The following TRNP1 variants were observed in gnomAD, a reference collection of about 807,000 sequenced individuals.
The protein encoded by TRNP1 is TMF1 regulated nuclear protein 1, also known as TMF-regulated nuclear protein 1.
TRNP1 carries 16 observed loss-of-function variants against 12.2 expected under a neutral mutation model. That is an observed-to-expected ratio of 1.31 (90% CI 0.89 to 1.99). The LOEUF is 1.99. TRNP1 is among the 30% of genes most tolerant of loss of function. The pLI is 0.00. For synonymous variants in TRNP1, 139 were observed against 166.2 expected, an observed-to-expected ratio of 0.84 and a Z score of 1.26; for missense variants, 338 against 330.4, an observed-to-expected ratio of 1.02 and a Z score of -0.18.
intron 1 of TRNP1, among the ~76,000 whole-genome samples, chr1:26,999,034 C>G (rs2082559848): frequency 6.6e-6 from 1 of 152,094 alleles, no homozygotes; most frequent in African/African-American, 2.4e-5. Context: ...GGTGCCCCTC[C>G]CAGAGTTTGG....
chr1:26,995,131 A>G (rs143909312), intron 1 of TRNP1, among the ~76,000 whole-genome samples: 2 of 152,284 alleles, frequency 1.3e-5, no homozygotes, highest in East Asian at 3.9e-4. Context: ...TTCTCTTCAT[A>G]CTTAGGCCCT....
rs1557698347 is a variant in TRNP1 at position 26,994,303 on chromosome 1, CCGCGCCGCG to C, written c.518_526del (p.Pro173_Gly176delinsArg). ...TCACGGGTCGCGCCTCAAGAAGGGC[CCGCGCCGCG>C]GCCGCCGCGGCCGACCCCCCGCGCT... On this transcript the variant is annotated inframe_deletion, in exon 1 of 2. Transcript: ENST00000522111. This position sits in a 1 kb window ranked among gnomAD's most constrained non-coding sequence, Gnocchi z 6.9. The C allele has an allele frequency of 8.7e-7, 1 of 1,146,622 alleles. No homozygotes were observed. The highest frequency in any genetic ancestry group is 1.6e-5 in the African/African-American group (1 of 60,938). The allele number at this position is 1,146,622 out of a possible 1,614,324, so 71.0% of individuals were successfully genotyped here.
rs536583512 is a variant in TRNP1 at position 26,994,477 on chromosome 1, C to T, written c.*7C>T. ...CGCCTCCCCGCAGCGCTGACCTCCA[C>T]GCCCGGACCCCTGGCCACCCCGACA... On this transcript the variant is annotated 3_prime_UTR_variant, in exon 1 of 2. Transcript: ENST00000522111. This position sits in a 1 kb window ranked among gnomAD's most constrained non-coding sequence, Gnocchi z 6.9. 4.5e-3 allele frequency: 5,300 copies of T among 1,177,034 alleles called. 18 individuals are homozygous for T. The highest frequency in any genetic ancestry group is 0.017 in the Middle Eastern group (55 of 3,242). The allele number at this position is 1,177,034 out of a possible 1,614,324, so 72.9% of individuals were successfully genotyped here.
In TRNP1 at chr1:26,993,850, T is replaced by TTGC. The variant is rs1426830344; in HGVS notation, c.64_65insTGC (p.Ser22delinsLeuPro). The TTGC allele has an allele frequency of 1.5e-6, 2 of 1,352,970 alleles. No homozygotes were observed. Among genetic ancestry groups the TTGC allele is most frequent in the African/African-American group, 1.5e-5 (1 of 64,902 alleles). The allele number at this position is 1,352,970 out of a possible 1,614,324, so 83.8% of individuals were successfully genotyped here. Reference sequence around the variant, plus strand: ...CCAGGAGGGGACGGCAGAGCAGAGGTCGCCGCCGCCGCCCTGGGATCCCAT... The same window carrying TTGC: ...CCAGGAGGGGACGGCAGAGCAGAGGTTGCCGCCGCCGCCGCCCTGGGATCCCAT... On this transcript the variant is annotated protein_altering_variant, in exon 1 of 2. Coordinates refer to ENST00000522111, the MANE Select transcript of TRNP1 (RefSeq NM_001013642.3).
Position 26,993,868 on chromosome 1 carries a change from G to T in TRNP1, c.82G>T (p.Asp28Tyr), listed in dbSNP as rs376543741. 1,231 of 1,363,478 alleles carry T rather than the reference G, an allele frequency of 9.0e-4. 1 individual carries two copies. Among genetic ancestry groups the T allele is most frequent in the Non-Finnish European group, 1.1e-3 (1,200 of 1,065,704 alleles). The allele number at this position is 1,363,478 out of a possible 1,614,324, so 84.5% of individuals were successfully genotyped here. A position where few individuals can be genotyped will look rare whatever the true frequency, so the allele number is the denominator to read the frequency against. ...GCAGAGGTCGCCGCCGCCGCCCTGGGATCCCATGCCGTCCTCTCAGCCCCC... is the reference window on the plus strand; with the variant it reads ...GCAGAGGTCGCCGCCGCCGCCCTGGTATCCCATGCCGTCCTCTCAGCCCCC... ...AEQRSPPPPW[D>Y]PMPSSQPPPP... The change falls in exon 1 of 2, where the codon GAT (aspartate) becomes TAT (tyrosine). Residue 28 changes from aspartate to tyrosine, a missense_variant. Transcript: ENST00000522111.
At chr1:26,998,550 A>C (rs1446635538) in intron 1 of TRNP1, among the ~76,000 whole-genome samples, 5 of 152,088 alleles carry the variant, frequency 3.3e-5, no homozygotes, top group Non-Finnish European at 5.9e-5. Flanking sequence ...CTCAGAGCTG[A>C]AGGAGAGGCC....
rs552995273 is a variant in TRNP1 at position 26,994,505 on chromosome 1, C to T, written c.*35C>T. On this transcript the variant is annotated 3_prime_UTR_variant, in exon 1 of 2. Coordinates refer to ENST00000522111, the MANE Select transcript of TRNP1 (RefSeq NM_001013642.3). The surrounding 1 kb of genome is among the most constrained non-coding windows in gnomAD (Gnocchi z 6.9). ...CCGGACCCCTGGCCACCCCGACAAG[C>T]TTCGCCGAGGTGCCGACCGACCGAC... The T allele has an allele frequency of 1.2e-5, 14 of 1,158,568 alleles. No individual in the cohort carries two copies. In the South Asian group the frequency reaches 4.3e-4, roughly 35 times the overall value. The allele number at this position is 1,158,568 out of a possible 1,614,324, so 71.8% of individuals were successfully genotyped here. A position where few individuals can be genotyped will look rare whatever the true frequency, so the allele number is the denominator to read the frequency against.
At position 26,993,699 on chromosome 1, in the gene TRNP1, G is replaced by C. The variant is rs375962327; in HGVS notation, c.-88G>C. 284 of 1,235,384 alleles carry C rather than the reference G, an allele frequency of 2.3e-4. 3 individuals are homozygous for C. In the East Asian group the frequency reaches 6.2e-3, roughly 27 times the overall value. The allele number at this position is 1,235,384 out of a possible 1,614,324, so 76.5% of individuals were successfully genotyped here. A position where few individuals can be genotyped will look rare whatever the true frequency, so the allele number is the denominator to read the frequency against. ...GACGGCGGGCGCGCCTCTGGGGTGG[G>C]GGCTGTGGCCGTGTCTAGCTGTTCG... On this transcript the variant is annotated 5_prime_UTR_variant, in exon 1 of 2. Coordinates refer to ENST00000522111, the MANE Select transcript of TRNP1 (RefSeq NM_001013642.3).
In TRNP1 at chr1:26,993,784, G is replaced by T; in HGVS notation, c.-3G>T. 1 of 1,315,934 alleles carries T rather than the reference G, an allele frequency of 7.6e-7. No homozygotes were observed. The highest frequency in any genetic ancestry group is 9.7e-7 in the Non-Finnish European group (1 of 1,034,634). The allele number at this position is 1,315,934 out of a possible 1,614,324, so 81.5% of individuals were successfully genotyped here. On this transcript the variant is annotated 5_prime_UTR_variant, in exon 1 of 2. Transcript: ENST00000522111. ...GCCGCAGACCGCCGGTGGGGGGCGG[G>T]GGATGCCGGGCTGCCGCATCAGCGC... is the stretch of plus-strand genomic sequence containing the variant.
rs573482283 is a variant in TRNP1, at chr1:27,000,884, G to A, written c.*1180G>A. ...CTTCCTCATTAAAGGATGTGATGAC[G>A]GAGCTCAGGGATGAGAATGCACATG... On this transcript the variant is annotated 3_prime_UTR_variant, in exon 2 of 2. Coordinates refer to ENST00000522111, the MANE Select transcript of TRNP1 (RefSeq NM_001013642.3). 3 of 152,504 alleles carry A rather than the reference G, an allele frequency of 2.0e-5. No individual in the cohort carries two copies. The highest frequency in any genetic ancestry group is 6.5e-5 in the Admixed American group (1 of 15,302). The allele number at this position is 152,504 out of a possible 1,614,324, so 9.4% of individuals were successfully genotyped here.
intron 1 of TRNP1, among the ~76,000 whole-genome samples, chr1:26,996,549 C>T (rs2082546178): frequency 6.6e-6 from 1 of 152,310 alleles, no homozygotes; most frequent in Non-Finnish European, 1.5e-5. Flanking sequence ...GGTCTAGAGG[C>T]TTAGAGAGGA....
intron 1 of TRNP1, among the ~76,000 whole-genome samples, chr1:26,995,066 C>T (rs1218542859): frequency 1.3e-5 from 2 of 152,236 alleles, no homozygotes; most frequent in South Asian, 2.1e-4. Context: ...TGAATTCCCC[C>T]TCTAGGCCTG....
Position 26,993,879 on chromosome 1 carries a change from G to T in TRNP1, c.93G>T (p.Pro31=), listed in dbSNP as rs747662657. 3.6e-5 allele frequency: 49 copies of T among 1,373,738 alleles called. 1 individual carries two copies. The South Asian group carries it at 7.9e-4, about 22-fold the overall frequency. The allele number at this position is 1,373,738 out of a possible 1,614,324, so 85.1% of individuals were successfully genotyped here. The change falls in exon 1 of 2, where the codon CCG becomes CCT. Residue 31 remains proline (P), a synonymous_variant. Coordinates refer to ENST00000522111, the MANE Select transcript of TRNP1 (RefSeq NM_001013642.3). The stretch of plus-strand genomic sequence containing the variant: ...CGCCGCCGCCCTGGGATCCCATGCC[G>T]TCCTCTCAGCCCCCGCCCCCAACTC... ...RSPPPPWDPM[P]SSQPPPPTPT...
chr1:26,997,912 A>G (rs1485246402), intron 1 of TRNP1, among the ~76,000 whole-genome samples: 1 of 152,076 alleles, frequency 6.6e-6, no homozygotes, highest in African/African-American at 2.4e-5. Flanking sequence ...TTTGCCCGGT[A>G]GTCCCCGGGG....
At chr1:26,995,297 A>T (rs558590996) in intron 1 of TRNP1, among the ~76,000 whole-genome samples, 13 of 152,202 alleles carry the variant, frequency 8.5e-5, no homozygotes, top group Non-Finnish European at 1.0e-4. Context: ...TGTTACTAAG[A>T]TGGCTCGGCC....
chr1:26,996,262 AG>A (rs2082545059), intron 1 of TRNP1, among the ~76,000 whole-genome samples: 1 of 152,162 alleles, frequency 6.6e-6, no homozygotes, highest in Non-Finnish European at 1.5e-5. Flanking sequence ...GGAATCTGGG[AG>A]GGTCAGGTGC....
Position 27,000,052 on chromosome 1 carries a change from T to C in TRNP1, c.*348T>C, listed in dbSNP as rs1158312972. The stretch of plus-strand genomic sequence containing the variant: ...TCTGAATTTCTTCATATACCCCACA[T>C]TTGACTTTGGCTTACACTGTACAAT... On this transcript the variant is annotated 3_prime_UTR_variant, in exon 2 of 2. Transcript: ENST00000522111. The C allele has an allele frequency of 7.2e-5, 11 of 152,194 alleles. No homozygotes were observed. Among genetic ancestry groups the C allele is most frequent in the African/African-American group, 2.7e-4 (11 of 41,450 alleles). The allele number at this position is 152,194 out of a possible 1,614,324, so 9.4% of individuals were successfully genotyped here.
chr1:26,994,620 C>G lies in TRNP1; in HGVS notation c.*142+8C>G, dbSNP rs1194816484. ...CCAGTAGAGGAGGCTGAGGTGCGGTCTTAGCGGCTGGTGCGTTCGAGGGTC... is the reference window on the plus strand; with the variant it reads ...CCAGTAGAGGAGGCTGAGGTGCGGTGTTAGCGGCTGGTGCGTTCGAGGGTC... On this transcript the variant is annotated splice_region_variant and intron_variant, in intron 1 of 1. Coordinates refer to ENST00000522111, the MANE Select transcript of TRNP1 (RefSeq NM_001013642.3). The surrounding 1 kb of genome is among the most constrained non-coding windows in gnomAD (Gnocchi z 6.9). 3.6e-5 allele frequency: 19 copies of G among 526,014 alleles called. No homozygotes were observed. The highest frequency in any genetic ancestry group is 4.3e-5 in the Non-Finnish European group (17 of 394,080). 32.6% of individuals were successfully genotyped at this position (526,014 alleles called of 1,614,324 possible).
At chr1:26,995,360 A>G (rs1057384073) in intron 1 of TRNP1, among the ~76,000 whole-genome samples, 5 of 152,196 alleles carry the variant, frequency 3.3e-5, no homozygotes, top group Non-Finnish European at 7.3e-5. Flanking sequence ...CAGGTGTGGT[A>G]TCAGCTTCCA....
Sources: allele counts gnomAD v4.1 joint callset (sites outside exome capture counted in the v4.1 genomes callset), GRCh38; gene constraint gnomAD v4.1.1; non-coding constraint Gnocchi (gnomAD v3.1); transcripts MANE v1.5; gene names NCBI Gene and HGNC (gene_info 2026-07-23, HGNC 2026-07-21).